Variants in GRB10 observed in about 807,000 individuals in gnomAD.
The protein encoded by GRB10 is growth factor receptor-bound protein 10.
Under a neutral mutation model 80.9 loss-of-function variants are expected in GRB10, and 20 were observed. The ratio of observed to expected loss-of-function variants is 0.25; its 90% CI spans 0.17 to 0.36. GRB10 has a LOEUF of 0.36. Ranked by LOEUF, GRB10 falls within the 10% of genes least tolerant of loss-of-function variation. The pLI is 1.00. For missense variants in GRB10, 548 were observed against 747.7 expected (o/e 0.73, Z 3.12); for synonymous variants, 291 against 291.5 (o/e 1.00, Z 0.02).
chr7:50,778,663 C>T (rs910317071), intron 2 of GRB10, among the ~76,000 whole-genome samples: 12 of 152,182 alleles, frequency 7.9e-5, no homozygotes, highest in African/African-American at 2.7e-4. Context: ...GTCGGGCTAA[C>T]GCTGACAGAA....
In GRB10 at chr7:50,754,159, G is replaced by A. The variant is rs192764140; in HGVS notation, c.-47+1728C>T. Reference sequence around the variant, plus strand: ...CCTGAAGCTCGCACACCTGCCTGATGGTTCAGGCACTGCACATCGTCTACA... The same window carrying A: ...CCTGAAGCTCGCACACCTGCCTGATAGTTCAGGCACTGCACATCGTCTACA... On this transcript the variant is annotated intron_variant, in intron 3 of 18. Transcript: ENST00000401949. Among the ~76,000 whole-genome samples, 564 of 152,328 alleles carry A rather than the reference G, an allele frequency of 3.7e-3. 7 individuals are homozygous for A. The highest frequency in any genetic ancestry group is 4.2e-3 in the Non-Finnish European group (289 of 68,026).
rs374069009 is a variant in GRB10 at position 50,740,547 on chromosome 7, A to G, written c.-46-8179T>C. 2.6e-5 allele frequency among the ~76,000 whole-genome samples: 4 copies of G among 152,366 alleles called. No homozygotes were observed. The East Asian group carries it at 5.8e-4, about 22-fold the overall frequency. On this transcript the variant is annotated intron_variant, in intron 3 of 18. Transcript: ENST00000401949. ...TGTTTTTTTAAAAGCTGTACCTTCC[A>G]TAAAAGCCAGAAGATCCTACTCTTT...
intron 4 of GRB10, among the ~76,000 whole-genome samples, chr7:50,710,569 A>G (rs927392373): frequency 6.6e-6 from 1 of 152,176 alleles, no homozygotes; most frequent in Non-Finnish European, 1.5e-5. Context: ...AAACTGCAAC[A>G]CACGGATGGA....
chr7:50,775,174 C>CAAAAAAAAAAAAAAAAAAAAAAAAAAA (rs1305513693), intron 2 of GRB10, among the ~76,000 whole-genome samples: 1 of 71,452 alleles, frequency 1.4e-5, no homozygotes, highest in Non-Finnish European at 2.7e-5. Flanking sequence ...AAAAAAAAAA[C>CAAAAAAAAAAAAAAAAAAAAAAAAAAA]AAAAAAAAAC....
chr7:50,757,655 G>A (rs1368905627), intron 2 of GRB10, among the ~76,000 whole-genome samples: 1 of 152,258 alleles, frequency 6.6e-6, no homozygotes, highest in Non-Finnish European at 1.5e-5. Context: ...CTAAGTTCTA[G>A]TAGCTTAAGT....
chr7:50,594,291 C>T (rs1228477325), intron 18 of GRB10, among the ~76,000 whole-genome samples: 6 of 152,298 alleles, frequency 3.9e-5, no homozygotes, highest in African/African-American at 1.4e-4. Flanking sequence ...CAGCAGGAAG[C>T]AAGCAGCCAC....
intron 3 of GRB10, among the ~76,000 whole-genome samples, chr7:50,738,923 G>A (rs140135738): frequency 8.5e-5 from 13 of 152,106 alleles, no homozygotes; most frequent in African/African-American, 2.9e-4. Flanking sequence ...TTTTAATGTC[G>A]AAGGTTAAAC....
chr7:50,786,292 A>C (rs1016929787), upstream of GRB10, among the ~76,000 whole-genome samples: 3 of 152,198 alleles, frequency 2.0e-5, no homozygotes, highest in Non-Finnish European at 4.4e-5. Context: ...GAAAGAGAGA[A>C]GAGGAAAATG....
chr7:50,792,416 C>T, intron 1 of GRB10: 2 of 398,446 alleles, frequency 5.0e-6, no homozygotes, highest in Admixed American at 4.4e-5. Context: ...CAAGAAAAGA[C>T]GCACACAATA....
At chr7:50,646,843 C>T (rs2057270804) in intron 7 of GRB10, among the ~76,000 whole-genome samples, 1 of 152,172 alleles carries the variant, frequency 6.6e-6, no homozygotes, top group African/African-American at 2.4e-5. Flanking sequence ...ACCAATCCTC[C>T]ATCTCATCTA....
Position 50,756,049 on chromosome 7 carries a change from C to T in GRB10, c.-209G>A, listed in dbSNP as rs984726876. 1 of 398,634 alleles carries T rather than the reference C, an allele frequency of 2.5e-6. No individual in the cohort carries two copies. The highest frequency in any genetic ancestry group is 4.4e-6 in the Non-Finnish European group (1 of 226,092). The allele number at this position is 398,634 out of a possible 1,614,324, so 24.7% of individuals were successfully genotyped here. On this transcript the variant is annotated 5_prime_UTR_variant, in exon 3 of 19. Coordinates refer to ENST00000401949, the MANE Select transcript of GRB10 (RefSeq NM_001350814.2). ...GCTTCCTGCTCAGCATTGTGGTCAG[C>T]GCCAAAGCTGGAAAGTCAAACGGGC...
intron 4 of GRB10, among the ~76,000 whole-genome samples, chr7:50,722,876 C>T (rs1456483501): frequency 6.6e-6 from 1 of 152,058 alleles, no homozygotes; most frequent in Non-Finnish European, 1.5e-5. Context: ...AAAGATAGCG[C>T]TCTCAGGATT....
At chr7:50,774,283 G>A (rs143081755) in intron 2 of GRB10, among the ~76,000 whole-genome samples, 117 of 152,252 alleles carry the variant, frequency 7.7e-4, no homozygotes, top group African/African-American at 2.6e-3. Flanking sequence ...CTATGGTGGC[G>A]GTTGCACATA....
intron 7 of GRB10, among the ~76,000 whole-genome samples, chr7:50,654,541 C>T (rs1228662947): frequency 1.3e-5 from 2 of 152,196 alleles, no homozygotes; most frequent in Non-Finnish European, 2.9e-5. Flanking sequence ...ACTGCAGCAT[C>T]AGTGCATGTT....
rs2153681704 is a variant in GRB10 at position 50,716,837 on chromosome 7, C to T, written c.52-12929G>A. ...CTAGGGTAGGAGCACCCTATGAAGA[C>T]ATAGTAATAGAAACTATCCAGAATG... is the stretch of plus-strand genomic sequence containing the variant. On this transcript the variant is annotated intron_variant, in intron 4 of 18. Coordinates refer to ENST00000401949, the MANE Select transcript of GRB10 (RefSeq NM_001350814.2). Among the ~76,000 whole-genome samples, 4 of 152,210 alleles carry T rather than the reference C, an allele frequency of 2.6e-5. No individual in the cohort carries two copies. In the South Asian group the frequency reaches 8.3e-4, roughly 32 times the overall value.
In GRB10 at chr7:50,703,875, CTTG is replaced by C; in HGVS notation, c.82_84del (p.Gln28del). On this transcript the variant is annotated inframe_deletion, in exon 5 of 19. Coordinates refer to ENST00000401949, the MANE Select transcript of GRB10 (RefSeq NM_001350814.2). ...GCGGGGAGTCCTGGTCCTGCCGGGT[CTTG>C]TTGACTGCGAGGTGTCTGCTCCACC... 6.2e-7 allele frequency: 1 copy of C among 1,613,446 alleles called. No individual in the cohort carries two copies. Among genetic ancestry groups the C allele is most frequent in the Non-Finnish European group, 8.5e-7 (1 of 1,179,550 alleles).
intron 2 of GRB10, among the ~76,000 whole-genome samples, chr7:50,763,399 G>A (rs998455656): frequency 2.0e-5 from 3 of 152,174 alleles, no homozygotes; most frequent in African/African-American, 7.2e-5. Context: ...CAGCAACAGG[G>A]CTCCCCTAAA....
chr7:50,618,521 C>T (rs577223454), intron 9 of GRB10, among the ~76,000 whole-genome samples: 3 of 152,192 alleles, frequency 2.0e-5, no homozygotes, highest in Admixed American at 1.3e-4. Context: ...TGCTGCATTC[C>T]CCAAAAACAG....
chr7:50,733,062 T>G (rs961547695), intron 3 of GRB10, among the ~76,000 whole-genome samples: 1 of 152,238 alleles, frequency 6.6e-6, no homozygotes, highest in Non-Finnish European at 1.5e-5. Context: ...AGAATGTGAC[T>G]GTATTTGGAA....
Sources: allele counts gnomAD v4.1 joint callset (sites outside exome capture counted in the v4.1 genomes callset), GRCh38; gene constraint gnomAD v4.1.1; transcripts MANE v1.5; gene names NCBI Gene and HGNC (gene_info 2026-07-23, HGNC 2026-07-21).